The following GRM8 variants were observed in gnomAD, a reference collection of about 807,000 sequenced individuals.
GRM8 encodes the protein glutamate metabotropic receptor 8.
In GRM8, 47 loss-of-function variants were observed where a neutral mutation model predicts 87.2. The ratio of observed to expected loss-of-function variants is 0.54; its 90% confidence interval spans 0.43 to 0.69. GRM8 has a LOEUF of 0.69. Ranked by LOEUF, GRM8 falls within the 30% of genes least tolerant of loss-of-function variation. The probability of loss-of-function intolerance (pLI) is 0.00; values close to 1 mark genes in which losing one functional copy is unlikely to be tolerated. For missense variants in GRM8, 1,019 were observed against 1,139.2 expected, an observed-to-expected ratio of 0.89 and a Z score of 1.52; for synonymous variants, 396 against 404.5, an observed-to-expected ratio of 0.98 and a Z score of 0.25.
At chr7:126,891,266 A>AGG (rs751186523) in intron 6 of GRM8, among the ~76,000 whole-genome samples, 3 of 151,974 alleles carry the variant, frequency 2.0e-5, no homozygotes, top group Non-Finnish European at 4.4e-5. Context: ...GTCCATTCCT[A>AGG]GTACAGTGCA....
chr7:126,484,874 C>T (rs959576464), intron 9 of GRM8, among the ~76,000 whole-genome samples: 2 of 127,998 alleles, frequency 1.6e-5, no homozygotes, highest in African/African-American at 3.2e-5. Context: ...TATCGTTAAA[C>T]GTTTTTTGTT....
intron 9 of GRM8, among the ~76,000 whole-genome samples, chr7:126,468,527 C>G (rs184529269): frequency 6.6e-6 from 1 of 152,072 alleles, no homozygotes; most frequent in South Asian, 2.1e-4. Context: ...ATTCTTCAAT[C>G]CTACAATTTC....
chr7:126,585,584 T>C (rs1341867011), intron 8 of GRM8, among the ~76,000 whole-genome samples: 1 of 151,652 alleles, frequency 6.6e-6, no homozygotes, highest in African/African-American at 2.4e-5. Context: ...AAAAACCACA[T>C]GATTATCTCA....
At chr7:126,470,244 G>T (rs1348972884) in intron 9 of GRM8, among the ~76,000 whole-genome samples, 4 of 151,592 alleles carry the variant, frequency 2.6e-5, no homozygotes, top group Non-Finnish European at 5.9e-5. Context: ...CAATGTGCAG[G>T]TTAGTTACAT....
At chr7:126,992,833 GT>G (rs1812802994) in intron 3 of GRM8, among the ~76,000 whole-genome samples, 2 of 148,264 alleles carry the variant, frequency 1.3e-5, no homozygotes, top group African/African-American at 5.1e-5. Flanking sequence ...GTGTGTATGT[GT>G]GTGTGTGTGT....
At position 126,914,770 on chromosome 7, in the gene GRM8, G is replaced by A. The variant is rs572558491; in HGVS notation, c.728-10087C>T. On this transcript the variant is annotated intron_variant, in intron 3 of 10. Coordinates refer to ENST00000339582, the MANE Select transcript of GRM8 (RefSeq NM_000845.3). ...ACAATAGACACTGGAAACTCCCCAAGGATGGAGGGAGTGGGGCAAGGGCTA... is the reference window on the plus strand; with the variant it reads ...ACAATAGACACTGGAAACTCCCCAAAGATGGAGGGAGTGGGGCAAGGGCTA... Among the ~76,000 whole-genome samples the A allele has an allele frequency of 3.5e-4, 53 of 152,242 alleles. 3 individuals are homozygous for A. The South Asian group carries it at 0.011, about 31-fold the overall frequency.
chr7:127,027,172 T>C (rs1007251959), intron 3 of GRM8, among the ~76,000 whole-genome samples: 1 of 151,948 alleles, frequency 6.6e-6, no homozygotes, highest in Non-Finnish European at 1.5e-5. Context: ...TCTGAGGACT[T>C]TGTTCTGTCC....
chr7:127,114,410 T>C (rs995691578), intron 2 of GRM8, among the ~76,000 whole-genome samples: 3 of 152,170 alleles, frequency 2.0e-5, no homozygotes, highest in Admixed American at 1.3e-4. Context: ...CAAGCAAAGC[T>C]TTACATACAC....
In GRM8 at chr7:126,872,248, T is replaced by G. The variant is rs570965945; in HGVS notation, c.1156+30294A>C. ...TCAAAGGGCTGTTCTGCCCTATCTC[T>G]TATTTTCTGCTTTCCTAACCTTTCC... On this transcript the variant is annotated intron_variant, in intron 6 of 10. Coordinates refer to ENST00000339582, the MANE Select transcript of GRM8 (RefSeq NM_000845.3). Among the ~76,000 whole-genome samples the G allele has an allele frequency of 2.3e-3, 351 of 152,266 alleles. 7 individuals carry two copies. Among genetic ancestry groups the G allele is most frequent in the Middle Eastern group, 6.8e-3 (2 of 294 alleles).
At chr7:126,800,660 A>C (rs1163891546) in intron 6 of GRM8, among the ~76,000 whole-genome samples, 8 of 152,114 alleles carry the variant, frequency 5.3e-5, no homozygotes, top group Admixed American at 4.6e-4. Flanking sequence ...CCCAGCCAAT[A>C]ATTTGGGGAG....
At chr7:126,611,779 C>T (rs1798937044) in intron 7 of GRM8, among the ~76,000 whole-genome samples, 1 of 152,146 alleles carries the variant, frequency 6.6e-6, no homozygotes, top group South Asian at 2.1e-4. Flanking sequence ...TGAATATACC[C>T]TAAGTTATAC....
At chr7:127,030,395 A>G (rs1419159134) in intron 3 of GRM8, among the ~76,000 whole-genome samples, 1 of 152,012 alleles carries the variant, frequency 6.6e-6, no homozygotes, top group East Asian at 1.9e-4. Context: ...ACTTCAAGAG[A>G]GCTATTCCAG....
intron 3 of GRM8, among the ~76,000 whole-genome samples, chr7:126,920,285 T>C (rs1371027132): frequency 2.0e-5 from 3 of 152,178 alleles, no homozygotes; most frequent in African/African-American, 7.2e-5. Context: ...AAATGTCTCT[T>C]GTTTAAGCTA....
chr7:127,244,477 G>GAAATGAGAC (rs60493553), intron 1 of GRM8, among the ~76,000 whole-genome samples: 18,857 of 152,178 alleles, frequency 0.12, 1,386 homozygotes, highest in Middle Eastern at 0.26. Flanking sequence ...TTGAAGAGAT[G>GAAATGAGAC]TGACTGAAAA....
intron 10 of GRM8, among the ~76,000 whole-genome samples, chr7:126,444,900 C>T (rs1219384777): frequency 6.6e-6 from 1 of 151,908 alleles, no homozygotes; most frequent in Non-Finnish European, 1.5e-5. Context: ...AATCCTAGCA[C>T]TTTTGGAGGC....
At chr7:126,556,517 G>C (rs957852648) in intron 8 of GRM8, among the ~76,000 whole-genome samples, 16 of 151,922 alleles carry the variant, frequency 1.1e-4, no homozygotes, top group African/African-American at 3.9e-4. Flanking sequence ...TGTGGTGGCA[G>C]ACGCCTGTAA....
chr7:126,829,909 ATC>A (rs1172886389), intron 6 of GRM8, among the ~76,000 whole-genome samples: 1 of 149,822 alleles, frequency 6.7e-6, no homozygotes, highest in Non-Finnish European at 1.5e-5. Context: ...TGGTGACAAA[ATC>A]TCTCAGCATT....
chr7:126,597,220 T>A (rs949166302), intron 8 of GRM8, among the ~76,000 whole-genome samples: 2 of 152,102 alleles, frequency 1.3e-5, no homozygotes, highest in African/African-American at 4.8e-5. Flanking sequence ...ATTGGAAGCT[T>A]TGAGGAAAGG....
intron 6 of GRM8, among the ~76,000 whole-genome samples, chr7:126,783,373 T>G (rs1820296892): frequency 6.6e-6 from 1 of 152,204 alleles, no homozygotes; most frequent in African/African-American, 2.4e-5. Context: ...TAAATCTTTT[T>G]GCTTTAATAT....
Sources: gnomAD v4.1 joint callset for allele counts (sites outside exome capture counted in the v4.1 genomes callset) on GRCh38, gnomAD v4.1.1 for gene constraint, MANE v1.5 for transcripts, NCBI Gene and HGNC (gene_info 2026-07-23, HGNC 2026-07-21) for gene names.